The following EYS variants were observed in gnomAD, a reference collection of about 807,000 sequenced individuals.
EYS encodes protein eyes shut homolog.
Under a neutral mutation model 282.1 loss-of-function variants are expected in EYS, and 250 were observed. The ratio of observed to expected loss-of-function variants is 0.89; its 90% CI spans 0.80 to 0.98. The LOEUF is 0.98. EYS is among the 50% of genes least tolerant of loss of function. The pLI is 0.00. For synonymous variants in EYS, 1,355 were observed against 1,282.9 expected (o/e 1.06, Z -1.20); for missense variants, 4,016 against 3,709.0 (o/e 1.08, Z -2.15).
intron 5 of EYS, among the ~76,000 whole-genome samples, chr6:65,460,257 T>A (rs915877206): frequency 6.6e-6 from 1 of 150,810 alleles, no homozygotes; most frequent in African/African-American, 2.4e-5. Context: ...AATTAATAAA[T>A]CCACAAAGTA....
chr6:64,436,398 G>A, intron 27 of EYS, 133 bp from the exon 28 acceptor site: 1 of 579,074 alleles, frequency 1.7e-6, no homozygotes, highest in Non-Finnish European at 3.1e-6. Flanking sequence ...GAAACTTAAA[G>A]AGAAGTGATA....
chr6:64,811,564 T>C (rs1764597660), intron 22 of EYS, among the ~76,000 whole-genome samples: 1 of 152,160 alleles, frequency 6.6e-6, no homozygotes, highest in Non-Finnish European at 1.5e-5. Context: ...AGGTGGTGCC[T>C]GTACACAGTG....
At chr6:64,119,890 A>AGG (rs1773518160) in intron 31 of EYS, among the ~76,000 whole-genome samples, 1 of 152,186 alleles carries the variant, frequency 6.6e-6, no homozygotes, top group Non-Finnish European at 1.5e-5. Flanking sequence ...GATCCTTAAA[A>AGG]AATCAGTTCT....
intron 2 of EYS, among the ~76,000 whole-genome samples, chr6:65,626,436 G>A (rs1053252999): frequency 2.6e-5 from 4 of 152,268 alleles, no homozygotes; most frequent in Middle Eastern, 3.4e-3. Context: ...AGTCTGGAAT[G>A]TCCAAAAGCC....
chr6:64,502,774 T>C (rs1186174048), intron 26 of EYS, among the ~76,000 whole-genome samples: 2 of 152,056 alleles, frequency 1.3e-5, no homozygotes, highest in East Asian at 3.9e-4. Context: ...TTTGAAACAA[T>C]TAAAAATTAT....
chr6:64,456,576 T>C (rs1775565372), intron 26 of EYS, among the ~76,000 whole-genome samples: 2 of 152,038 alleles, frequency 1.3e-5, no homozygotes, highest in South Asian at 2.1e-4. Context: ...ACACTAGATA[T>C]TAGAATTTGC....
chr6:64,958,102 T>C (rs574030516), intron 14 of EYS, among the ~76,000 whole-genome samples: 2 of 152,150 alleles, frequency 1.3e-5, no homozygotes, highest in South Asian at 4.1e-4. Context: ...TCTGTATATA[T>C]ATCACACATA....
At chr6:63,955,734 G>C (rs940483265) in intron 35 of EYS, among the ~76,000 whole-genome samples, 1 of 152,078 alleles carries the variant, frequency 6.6e-6, no homozygotes, top group South Asian at 2.1e-4. Flanking sequence ...AAAAACTCAA[G>C]GATACAGCCC....
rs139334635 is a variant in EYS, at chr6:64,134,545, G to C, written c.6425-52543C>G. Among the ~76,000 whole-genome samples the C allele has an allele frequency of 8.5e-5, 13 of 152,148 alleles. No individual in the cohort carries two copies. The East Asian group carries it at 1.9e-3, about 23-fold the overall frequency. On this transcript the variant is annotated intron_variant, in intron 31 of 42. Transcript: ENST00000503581. ...TGTCAAAAGTTTTGACGATGGATTA[G>C]AGGGCAAAAAATCTAAATTCGAACC...
intron 12 of EYS, among the ~76,000 whole-genome samples, chr6:65,176,665 A>C: frequency 6.6e-6 from 1 of 151,696 alleles, no homozygotes; most frequent in South Asian, 2.1e-4. Flanking sequence ...AAAGTGAGGA[A>C]GTATTTTCAA....
At chr6:65,067,626 T>G (rs2150163684) in intron 12 of EYS, among the ~76,000 whole-genome samples, 3 of 152,098 alleles carry the variant, frequency 2.0e-5, no homozygotes, top group Middle Eastern at 3.4e-3. Flanking sequence ...AAAACATAAT[T>G]AACTACTAGG....
At chr6:65,663,648 T>G (rs1406491027) in intron 1 of EYS, among the ~76,000 whole-genome samples, 1 of 152,142 alleles carries the variant, frequency 6.6e-6, no homozygotes. Context: ...TAAACTTATG[T>G]AGATACATCA....
intron 41 of EYS, among the ~76,000 whole-genome samples, chr6:63,752,419 A>G (rs909988796): frequency 3.3e-5 from 5 of 152,170 alleles, no homozygotes; most frequent in African/African-American, 9.6e-5. Context: ...GTGTCAGTAT[A>G]AGAAATGGCC....
chr6:65,234,525 A>T (rs1251548400), intron 12 of EYS, among the ~76,000 whole-genome samples: 1 of 152,166 alleles, frequency 6.6e-6, no homozygotes, highest in Non-Finnish European at 1.5e-5. Context: ...GATCACCATC[A>T]TTTCTACAGC....
chr6:65,287,245 C>A (rs967624962), intron 12 of EYS, among the ~76,000 whole-genome samples: 1 of 151,508 alleles, frequency 6.6e-6, no homozygotes, highest in Non-Finnish European at 1.5e-5. Flanking sequence ...AATTTTACTA[C>A]CATTTACTAT....
intron 30 of EYS, among the ~76,000 whole-genome samples, chr6:64,258,461 A>G (rs1767477730): frequency 2.6e-5 from 4 of 152,036 alleles, no homozygotes; most frequent in African/African-American, 4.8e-5. Context: ...GTGCTATAGC[A>G]TGTTAGCTCA....
chr6:65,504,210 T>C (rs1184353958), intron 2 of EYS, among the ~76,000 whole-genome samples: 1 of 144,670 alleles, frequency 6.9e-6, no homozygotes, highest in African/African-American at 2.4e-5. Context: ...TGGATACTAT[T>C]ACAAATGGTA....
chr6:63,759,135 C>T (rs1007908687), intron 41 of EYS, among the ~76,000 whole-genome samples: 2 of 152,058 alleles, frequency 1.3e-5, no homozygotes, highest in Admixed American at 6.6e-5. Context: ...AAAATAACCT[C>T]ATAGATATGT....
At chr6:64,668,489 A>T (rs188980885) in intron 22 of EYS, among the ~76,000 whole-genome samples, 2 of 129,228 alleles carry the variant, frequency 1.5e-5, no homozygotes, top group Non-Finnish European at 1.6e-5. Context: ...TTAGTGTCTT[A>T]TTTCCCTATT....
Sources: allele counts gnomAD v4.1 joint callset (sites outside exome capture counted in the v4.1 genomes callset), GRCh38; gene constraint gnomAD v4.1.1; transcripts MANE v1.5; gene names NCBI Gene and HGNC (gene_info 2026-07-23, HGNC 2026-07-21).